The following ARSB variants were observed in gnomAD, a reference collection of about 807,000 sequenced individuals.
ARSB encodes N-acetylgalactosamine-4-sulfatase.
A neutral mutation model predicts 50.9 loss-of-function variants in ARSB; 41 were observed. The ratio of observed to expected loss-of-function variants is 0.81; its 90% CI spans 0.63 to 1.04. The LOEUF (loss-of-function observed/expected upper bound fraction) is 1.04. Ranked by LOEUF, ARSB falls within the 50% of genes least tolerant of loss-of-function variation. The pLI is 0.00. For synonymous variants in ARSB, 269 were observed against 284.8 expected (o/e 0.94, Z 0.56); for missense variants, 672 against 693.3 (o/e 0.97, Z 0.35).
chr5:78,939,272 C>T lies in ARSB; in HGVS notation c.898+16023G>A, dbSNP rs529154935. 5.4e-5 allele frequency among the ~76,000 whole-genome samples: 7 copies of T among 129,396 alleles called. No individual in the cohort carries two copies. In the South Asian group the frequency reaches 1.8e-3, roughly 33 times the overall value. 84.9% of individuals were successfully genotyped at this position (129,396 alleles called of 152,430 possible). On this transcript the variant is annotated intron_variant, in intron 4 of 7. Coordinates refer to ENST00000264914, the MANE Select transcript of ARSB (RefSeq NM_000046.5). ...TCAACATCAAGTGGTCCAAGCTCTC[C>T]TATGTATTTCTTTTTTTTTTTTTAA...
chr5:78,793,542 C>T (rs1743060959), intron 6 of ARSB, among the ~76,000 whole-genome samples: 2 of 152,196 alleles, frequency 1.3e-5, no homozygotes, highest in Admixed American at 1.3e-4. Context: ...AAGATGTCTT[C>T]CCAACTGCTC....
At chr5:78,973,788 T>C (rs1451039328) in intron 1 of ARSB, among the ~76,000 whole-genome samples, 1 of 152,206 alleles carries the variant, frequency 6.6e-6, no homozygotes, top group African/African-American at 2.4e-5. Flanking sequence ...TCTCCTCACC[T>C]CAACAGTGTT....
intron 4 of ARSB, among the ~76,000 whole-genome samples, chr5:78,906,129 C>T (rs1317442080): frequency 6.7e-6 from 1 of 150,194 alleles, no homozygotes; most frequent in Non-Finnish European, 1.5e-5. Flanking sequence ...ACCAGCCAGG[C>T]AACATAGTGT....
chr5:78,853,284 C>G (rs1026268969), intron 5 of ARSB, among the ~76,000 whole-genome samples: 1 of 152,092 alleles, frequency 6.6e-6, no homozygotes, highest in African/African-American at 2.4e-5. Flanking sequence ...AGACAGGACC[C>G]TCAGCTGCAG....
chr5:78,792,702 C>T (rs1221115498), intron 6 of ARSB, among the ~76,000 whole-genome samples: 2 of 152,136 alleles, frequency 1.3e-5, no homozygotes, highest in East Asian at 1.9e-4. Context: ...ATTCTGGGTA[C>T]AGGTCTCTTG....
At chr5:78,909,546 G>C (rs953243901) in intron 4 of ARSB, among the ~76,000 whole-genome samples, 1 of 152,188 alleles carries the variant, frequency 6.6e-6, no homozygotes, top group African/African-American at 2.4e-5. Flanking sequence ...CAAGGTTTAA[G>C]GGATCTAGGG....
chr5:78,858,106 C>A (rs2112085194), intron 5 of ARSB, among the ~76,000 whole-genome samples: 1 of 152,296 alleles, frequency 6.6e-6, no homozygotes, highest in African/African-American at 2.4e-5. Context: ...CATCTCTAAC[C>A]TTCTATGCTA....
rs1480683387 is a variant in ARSB, at chr5:78,827,260, G to A, written c.1213+12096C>T. Among the ~76,000 whole-genome samples, 3 of 152,196 alleles carry A rather than the reference G, an allele frequency of 2.0e-5. No individual in the cohort carries two copies. The East Asian group carries it at 5.8e-4, about 29-fold the overall frequency. ...GTCTTGCTCTGTCGCCCAGGCTGGA[G>A]TGCAGTGGTGCACTCTCAGCTCACT... On this transcript the variant is annotated intron_variant, in intron 6 of 7. Transcript: ENST00000264914.
At chr5:78,908,457 G>A (rs544189490) in intron 4 of ARSB, among the ~76,000 whole-genome samples, 3 of 152,302 alleles carry the variant, frequency 2.0e-5, no homozygotes, top group African/African-American at 7.2e-5. Flanking sequence ...TGGAGCAGCA[G>A]CGGAGAGCAC....
chr5:78,893,596 G>A (rs1748432865), intron 4 of ARSB, among the ~76,000 whole-genome samples: 1 of 152,208 alleles, frequency 6.6e-6, no homozygotes, highest in Non-Finnish European at 1.5e-5. Context: ...AAATGGAACT[G>A]GAAACTGGAA....
At chr5:78,800,681 G>T (rs993350953) in intron 6 of ARSB, among the ~76,000 whole-genome samples, 2 of 152,184 alleles carry the variant, frequency 1.3e-5, no homozygotes, top group Non-Finnish European at 2.9e-5. Context: ...TACTTAAGAA[G>T]CTTAGAATGA....
chr5:78,972,970 G>A (rs1752522792), intron 1 of ARSB, among the ~76,000 whole-genome samples: 1 of 152,166 alleles, frequency 6.6e-6, no homozygotes, highest in Non-Finnish European at 1.5e-5. Flanking sequence ...AACCCTGGAT[G>A]ACATCCAAAA....
At chr5:78,964,285 T>C (rs998796210) in intron 3 of ARSB, 131 bp downstream of exon 3, 31 of 913,048 alleles carry the variant, frequency 3.4e-5, no homozygotes, top group Admixed American at 2.1e-4. Flanking sequence ...TGGGATACTG[T>C]ATAATTTGAA....
intron 1 of ARSB, among the ~76,000 whole-genome samples, chr5:78,983,477 C>T (rs981386972): frequency 6.6e-6 from 1 of 152,206 alleles, no homozygotes; most frequent in Non-Finnish European, 1.5e-5. Context: ...TACTTCAAAG[C>T]AAATGCAGAA....
At chr5:78,781,161 T>G (rs1343424011) in intron 7 of ARSB, among the ~76,000 whole-genome samples, 1 of 152,152 alleles carries the variant, frequency 6.6e-6, no homozygotes, top group Non-Finnish European at 1.5e-5. Flanking sequence ...GCTATACCAC[T>G]GGTTGAGGGT....
rs183637889 is a variant in ARSB, at chr5:78,954,597, T to C, written c.898+698A>G. On this transcript the variant is annotated intron_variant, in intron 4 of 7. Transcript: ENST00000264914. ...TCGGCTCACTGCAACCTCTGCCTCC[T>C]GGATTCAAGCAGTTCTCCTGTCTCA... Among the ~76,000 whole-genome samples the C allele has an allele frequency of 4.6e-5, 7 of 152,264 alleles. No individual in the cohort carries two copies. The East Asian group carries it at 1.4e-3, about 29-fold the overall frequency.
chr5:78,902,566 A>G (rs1056871598), intron 4 of ARSB, among the ~76,000 whole-genome samples: 1 of 152,208 alleles, frequency 6.6e-6, no homozygotes, highest in African/African-American at 2.4e-5. Context: ...ATAGCAATAA[A>G]AGGGATATTA....
At chr5:78,831,623 T>A (rs1406481881) in intron 6 of ARSB, among the ~76,000 whole-genome samples, 1 of 152,104 alleles carries the variant, frequency 6.6e-6, no homozygotes, top group Non-Finnish European at 1.5e-5. Context: ...TAGGACATGA[T>A]GTACATGCCG....
chr5:78,864,452 C>G (rs1268536391), intron 5 of ARSB, among the ~76,000 whole-genome samples: 1 of 152,106 alleles, frequency 6.6e-6, no homozygotes, highest in East Asian at 1.9e-4. Context: ...AAACTGCCCC[C>G]ATGATTCAAT....
Sources: allele counts gnomAD v4.1 joint callset (sites outside exome capture counted in the v4.1 genomes callset), GRCh38; gene constraint gnomAD v4.1.1; transcripts MANE v1.5; gene names NCBI Gene and HGNC (gene_info 2026-07-23, HGNC 2026-07-21).